The following TALDO1 variants were observed in gnomAD, a reference collection of about 807,000 sequenced individuals.
TALDO1 encodes the protein transaldolase.
Under a neutral mutation model 38.1 loss-of-function variants are expected in TALDO1, and 29 were observed. That is an observed-to-expected ratio of 0.76 (90% CI 0.57 to 1.04). The LOEUF is 1.04. TALDO1 is among the 50% of genes least tolerant of loss of function. The probability of loss-of-function intolerance (pLI) is 0.00; values close to 1 mark genes in which losing one functional copy is unlikely to be tolerated. For synonymous variants in TALDO1, 207 were observed against 176.8 expected (o/e 1.17, Z -1.36); for missense variants, 499 against 438.1 (o/e 1.14, Z -1.24).
chr11:764,773 T>G (rs765172090), intron 7 of TALDO1, 40 bp from the exon 8 acceptor site: 1 of 1,613,920 alleles, frequency 6.2e-7, no homozygotes, highest in Non-Finnish European at 8.5e-7. Flanking sequence ...GTGCAGAAGG[T>G]AGGGTGGGGA....
At chr11:752,743 G>A (rs1387469331) in intron 1 of TALDO1, among the ~76,000 whole-genome samples, 3 of 152,172 alleles carry the variant, frequency 2.0e-5, no homozygotes, top group African/African-American at 4.8e-5. Context: ...TAATAAGCCA[G>A]TACATGTAAG....
intron 6 of TALDO1, 108 bp from the exon 7 acceptor site, chr11:764,180 T>C: frequency 6.3e-7 from 1 of 1,588,024 alleles, no homozygotes; most frequent in Non-Finnish European, 8.6e-7. Flanking sequence ...GGCCAAGGCC[T>C]GGCCCTGGTG....
rs1190047619 is a variant in TALDO1, at chr11:747,591, C to G, written c.97+13C>G. 1 of 1,557,648 alleles carries G rather than the reference C, an allele frequency of 6.4e-7. No homozygotes were observed. Among genetic ancestry groups the G allele is most frequent in the Admixed American group, 1.9e-5 (1 of 53,106 alleles). ...GGCGACTTCCACGGTGAGGACGGCG[C>G]GGAGCCCGGGCGCGGCGCAAGCGCC... On this transcript the variant is annotated intron_variant, in intron 1 of 7. Coordinates refer to ENST00000319006, the MANE Select transcript of TALDO1 (RefSeq NM_006755.2).
intron 1 of TALDO1, among the ~76,000 whole-genome samples, chr11:754,336 A>C (rs1390637546): frequency 6.6e-6 from 1 of 152,196 alleles, no homozygotes; most frequent in Non-Finnish European, 1.5e-5. Context: ...TGTCAGCTTT[A>C]TAAAAGGGAC....
chr11:759,111 C>A, intron 3 of TALDO1, 54 bp downstream of exon 3: 1 of 1,435,016 alleles, frequency 7.0e-7, no homozygotes, highest in Non-Finnish European at 9.8e-7. Flanking sequence ...CACAGTTGCA[C>A]ACGTGGATGC....
At chr11:763,623 C>G in intron 5 of TALDO1, 104 bp downstream of exon 5, 1 of 1,573,428 alleles carries the variant, frequency 6.4e-7, no homozygotes, top group South Asian at 1.1e-5. Context: ...CAGTGAGGTG[C>G]ACAGGTCGGC....
At chr11:757,615 T>C (rs1261604597) in intron 2 of TALDO1, among the ~76,000 whole-genome samples, 1 of 152,236 alleles carries the variant, frequency 6.6e-6, no homozygotes, top group Non-Finnish European at 1.5e-5. Context: ...TTCTAACCTC[T>C]GAGCGTCTAG....
chr11:762,872 G>C (rs1300122154), intron 4 of TALDO1, among the ~76,000 whole-genome samples: 2 of 152,228 alleles, frequency 1.3e-5, no homozygotes, highest in African/African-American at 4.8e-5. Flanking sequence ...GGGTGGAACA[G>C]GGTGAGGACT....
chr11:753,562 A>C (rs553508680), intron 1 of TALDO1, among the ~76,000 whole-genome samples: 35 of 151,786 alleles, frequency 2.3e-4, no homozygotes, highest in East Asian at 9.7e-4. Context: ...CAAAAAAAAA[A>C]ACACAAAAAA....
chr11:748,762 T>C (rs1862701227), intron 1 of TALDO1, among the ~76,000 whole-genome samples: 1 of 152,220 alleles, frequency 6.6e-6, no homozygotes, highest in Non-Finnish European at 1.5e-5. Context: ...GACCCCTCTT[T>C]GGGAGATCCA....
intron 2 of TALDO1, 198 bp downstream of exon 2, chr11:756,200 CAG>C (rs536301727): frequency 3.4e-4 from 265 of 783,998 alleles, no homozygotes; most frequent in Admixed American, 5.2e-4. Flanking sequence ...ATGAGCAGTT[CAG>C]AGAGTTTTGC....
In TALDO1 at chr11:764,451, G is replaced by C. The variant is rs757824344; in HGVS notation, c.981+18G>C. ...TGCTGACAGTGAGTGTTGTGTGTGG[G>C]TACCTACATATGCCAAGCCCTATGA... is the stretch of plus-strand genomic sequence containing the variant. On this transcript the variant is annotated intron_variant, in intron 7 of 7. Coordinates refer to ENST00000319006, the MANE Select transcript of TALDO1 (RefSeq NM_006755.2). 1.2e-6 allele frequency: 2 copies of C among 1,613,248 alleles called. No individual in the cohort carries two copies. The highest frequency in any genetic ancestry group is 4.5e-5 in the East Asian group (2 of 44,866).
intron 4 of TALDO1, 111 bp downstream of exon 4, chr11:760,364 TG>T: frequency 6.5e-7 from 1 of 1,527,372 alleles, no homozygotes. Flanking sequence ...AATGCCAGAC[TG>T]GGGAGCACAG....
intron 6 of TALDO1, 59 bp downstream of exon 6, chr11:764,003 A>G: frequency 6.4e-7 from 1 of 1,574,490 alleles, no homozygotes; most frequent in East Asian, 2.3e-5. Context: ...CTGCCGTGCC[A>G]CGCTGCCCTG....
At chr11:757,973 C>T (rs1238384482) in intron 2 of TALDO1, among the ~76,000 whole-genome samples, 2 of 152,036 alleles carry the variant, frequency 1.3e-5, no homozygotes, top group Non-Finnish European at 2.9e-5. Flanking sequence ...TCTGTCTCTA[C>T]AAAAAAATAT....
intron 2 of TALDO1, among the ~76,000 whole-genome samples, chr11:758,663 G>A (rs1390273206): frequency 1.3e-5 from 2 of 151,326 alleles, no homozygotes; most frequent in East Asian, 3.9e-4. Flanking sequence ...GGAGTGCAGT[G>A]GCACGATCTC....
intron 2 of TALDO1, among the ~76,000 whole-genome samples, chr11:757,000 C>T (rs777763025): frequency 2.9e-4 from 44 of 152,156 alleles, no homozygotes; most frequent in Admixed American, 7.9e-4. Flanking sequence ...AAGATGGTGC[C>T]GAGCAGGCAA....
At chr11:764,232 G>A (rs926615713) in intron 6 of TALDO1, 56 bp from the exon 7 acceptor site, 12 of 1,613,460 alleles carry the variant, frequency 7.4e-6, no homozygotes, top group Non-Finnish European at 1.0e-5. Context: ...GAGCCCAAGG[G>A]GCCAAGGTGG....
At chr11:757,486 G>C (rs535951066) in intron 2 of TALDO1, among the ~76,000 whole-genome samples, 2 of 152,056 alleles carry the variant, frequency 1.3e-5, no homozygotes, top group Non-Finnish European at 2.9e-5. Context: ...TAGAGGCAGG[G>C]TTTCACCATG....
Sources: allele counts gnomAD v4.1 joint callset (sites outside exome capture counted in the v4.1 genomes callset), GRCh38; gene constraint gnomAD v4.1.1; transcripts MANE v1.5; gene names NCBI Gene and HGNC (gene_info 2026-07-23, HGNC 2026-07-21).